INSR: variants seen among roughly 807,000 people sequenced by gnomAD.
INSR encodes IR.
In INSR, 67 loss-of-function variants were observed where a neutral mutation model predicts 142.6. That is an observed-to-expected ratio of 0.47 (90% confidence interval 0.39 to 0.58). INSR has a LOEUF of 0.58. Ranked by LOEUF, INSR falls within the 20% of genes least tolerant of loss-of-function variation. The probability of loss-of-function intolerance (pLI) is 0.00; values close to 1 mark genes in which losing one functional copy is unlikely to be tolerated. For synonymous variants in INSR, 756 were observed against 743.1 expected (o/e 1.02, Z -0.28); for missense variants, 1,248 against 1,833.2 (o/e 0.68, Z 5.83).
rs8109957 is a variant in INSR, at chr19:7,192,582, A to G, written c.653-7945T>C. Among the ~76,000 whole-genome samples the G allele has an allele frequency of 0.2, 30,457 of 152,108 alleles. 5,266 individuals are homozygous for G. The highest frequency in any genetic ancestry group is 0.47 in the African/African-American group (19,502 of 41,400). ...GTAGGGACAGTCAGCAGCCCAGGCT[A>G]TGTCTGCCAGACAAGATGGCAGACT... On this transcript the variant is annotated intron_variant, in intron 2 of 21. Coordinates refer to ENST00000302850, the MANE Select transcript of INSR (RefSeq NM_000208.4). This position sits in a 1 kb window ranked among gnomAD's most constrained non-coding sequence, Gnocchi z 4.2.
intron 2 of INSR, among the ~76,000 whole-genome samples, chr19:7,193,846 T>C (rs546258011): frequency 2.0e-5 from 3 of 152,014 alleles, no homozygotes; most frequent in South Asian, 2.1e-4. Context: ...TACACCACCA[T>C]GCTTGGCTAA....
At chr19:7,214,302 CCT>C (rs750059326) in intron 2 of INSR, among the ~76,000 whole-genome samples, 71 of 152,278 alleles carry the variant, frequency 4.7e-4, no homozygotes, top group South Asian at 2.7e-3. Flanking sequence ...CTTATTCCCC[CCT>C]GTGCTGGCCC....
At chr19:7,122,837 T>C in intron 18 of INSR, 42 bp downstream of exon 18, 1 of 1,609,280 alleles carries the variant, frequency 6.2e-7, no homozygotes, top group Non-Finnish European at 8.5e-7. Flanking sequence ...CAGGAGCGGG[T>C]GCTCCACCGA....
intron 2 of INSR, among the ~76,000 whole-genome samples, chr19:7,238,451 C>G (rs1976230668): frequency 1.3e-5 from 2 of 151,818 alleles, no homozygotes; most frequent in African/African-American, 2.4e-5. Context: ...GAAACCCCAT[C>G]TCTACTAAAA....
chr19:7,146,097 T>C (rs1452556381), intron 11 of INSR, among the ~76,000 whole-genome samples: 1 of 152,234 alleles, frequency 6.6e-6, no homozygotes, highest in East Asian at 1.9e-4. Context: ...TGTTATCAAA[T>C]CTTCTGATCT....
At chr19:7,190,192 A>G (rs1345556272) in intron 2 of INSR, among the ~76,000 whole-genome samples, 1 of 151,870 alleles carries the variant, frequency 6.6e-6, no homozygotes, top group East Asian at 1.9e-4. Flanking sequence ...CCTTGCCGAA[A>G]AAAAAAAGAA....
rs1968570937 is a variant in INSR at position 7,293,955 on chromosome 19, TCCGAG to T, written c.-69_-65del. ...CGGCGCTGGCCCGCGGGGGTCATGC[TCCGAG>T]GCGGCCACCCAAGAGGCGCTGGGGG... On this transcript the variant is annotated 5_prime_UTR_variant, in exon 1 of 22. Coordinates refer to ENST00000302850, the MANE Select transcript of INSR (RefSeq NM_000208.4). The T allele has an allele frequency of 8.7e-6, 10 of 1,146,948 alleles. No homozygotes were observed. The South Asian group carries it at 4.4e-4, about 50-fold the overall frequency. 71.0% of individuals were successfully genotyped at this position (1,146,948 alleles called of 1,614,324 possible). A position where few individuals can be genotyped will look rare whatever the true frequency, so the allele number is the denominator to read the frequency against.
chr19:7,153,519 CAGAG>C (rs1435999524), intron 9 of INSR, among the ~76,000 whole-genome samples: 2 of 151,752 alleles, frequency 1.3e-5, no homozygotes, highest in Non-Finnish European at 2.9e-5. Context: ...GGGGCCTTCT[CAGAG>C]AGGCTGAGCT....
intron 9 of INSR, among the ~76,000 whole-genome samples, chr19:7,156,276 G>A (rs1469936414): frequency 6.6e-6 from 1 of 151,744 alleles, no homozygotes; most frequent in Non-Finnish European, 1.5e-5. Flanking sequence ...GGCCAGGCTG[G>A]TCTGGAACTC....
intron 2 of INSR, among the ~76,000 whole-genome samples, chr19:7,263,062 G>A (rs56031102): frequency 0.04 from 6,038 of 152,184 alleles, 381 homozygotes; most frequent in African/African-American, 0.14. Flanking sequence ...TGTATTGCTC[G>A]AGGCCAGGGG....
At chr19:7,232,592 C>G (rs1420744342) in intron 2 of INSR, among the ~76,000 whole-genome samples, 2 of 152,032 alleles carry the variant, frequency 1.3e-5, no homozygotes, top group Non-Finnish European at 2.9e-5. Context: ...GGGTGGATCA[C>G]GAGGTCAGGA....
At chr19:7,288,411 G>T (rs576479369) in intron 1 of INSR, among the ~76,000 whole-genome samples, 1 of 152,022 alleles carries the variant, frequency 6.6e-6, no homozygotes, top group Non-Finnish European at 1.5e-5. Flanking sequence ...GCCAAGGCAG[G>T]AGGCTCACTT....
intron 2 of INSR, among the ~76,000 whole-genome samples, chr19:7,247,897 T>C (rs1976583921): frequency 6.6e-6 from 1 of 152,192 alleles, no homozygotes; most frequent in South Asian, 2.1e-4. Flanking sequence ...AATATCTAAT[T>C]TTAATGAATT....
intron 2 of INSR, among the ~76,000 whole-genome samples, chr19:7,203,181 G>C (rs1040130020): frequency 6.6e-6 from 1 of 151,980 alleles, no homozygotes; most frequent in African/African-American, 2.4e-5. Flanking sequence ...GGCTGTGTTG[G>C]AGTCTTCTCC....
chr19:7,148,484 T>TA, intron 11 of INSR, among the ~76,000 whole-genome samples: 1 of 133,238 alleles, frequency 7.5e-6, no homozygotes, highest in East Asian at 2.1e-4. Flanking sequence ...ATTCTTTTTT[T>TA]TTTTTTTTTT....
At chr19:7,154,302 T>C (rs1392363944) in intron 9 of INSR, among the ~76,000 whole-genome samples, 3 of 113,012 alleles carry the variant, frequency 2.7e-5, no homozygotes, top group Admixed American at 1.9e-4. Context: ...CACAATTACT[T>C]TTTTTTTTTT....
chr19:7,127,209 T>C (rs970236748), intron 15 of INSR, among the ~76,000 whole-genome samples: 2 of 152,182 alleles, frequency 1.3e-5, no homozygotes, highest in African/African-American at 4.8e-5. Context: ...TGGCTGGCTT[T>C]TTAAATAATT....
intron 7 of INSR, among the ~76,000 whole-genome samples, chr19:7,167,708 T>C (rs1290919976): frequency 6.6e-6 from 1 of 152,030 alleles, no homozygotes; most frequent in East Asian, 1.9e-4. Context: ...CAAAATAGAA[T>C]ATTGCCCCAG....
At chr19:7,129,023 C>T (rs1160392864) in intron 14 of INSR, 69 bp from the exon 15 acceptor site, 2 of 1,284,318 alleles carry the variant, frequency 1.6e-6, no homozygotes, top group African/African-American at 1.5e-5. Flanking sequence ...TCAAAAATCA[C>T]ATCCACTCCT....
Sources: gnomAD v4.1 joint callset for allele counts (sites outside exome capture counted in the v4.1 genomes callset) on GRCh38, gnomAD v4.1.1 for gene constraint, Gnocchi (gnomAD v3.1) non-coding constraint, MANE v1.5 for transcripts, NCBI Gene and HGNC (gene_info 2026-07-23, HGNC 2026-07-21) for gene names.